Variants in DHX37 observed in about 807,000 individuals in gnomAD.
DHX37 encodes the protein DEAH-box helicase 37.
DHX37 carries 52 observed loss-of-function variants against 134.3 expected under a neutral mutation model. The observed-to-expected ratio is 0.39, with a 90% CI of 0.31 to 0.49. DHX37 has a LOEUF of 0.49. Ranked by LOEUF, DHX37 falls within the 20% of genes least tolerant of loss-of-function variation. DHX37 has a pLI of 0.93. For missense variants in DHX37, 1,344 were observed against 1,580.8 expected, an observed-to-expected ratio of 0.85 and a Z score of 2.54; for synonymous variants, 634 against 670.7, an observed-to-expected ratio of 0.95 and a Z score of 0.85.
At position 124,977,435 on chromosome 12, in the gene DHX37, A is replaced by G. The variant is rs750316270; in HGVS notation, c.794T>C (p.Val265Ala). The G allele has an allele frequency of 1.9e-6, 3 of 1,612,022 alleles. No individual in the cohort carries two copies. In the Admixed American group the frequency reaches 5.0e-5, roughly 27 times the overall value. ...LSEEQVIMEA[V>A]AEHPIVIVCG... ...CACGATGACGATGGGGTGCTCGGCC[A>G]CAGCCTCCATGATTACTTGTTCTTC... The change falls in exon 5 of 27, where the codon GTG becomes GCG. Residue 265 changes from valine to alanine, a missense_variant. Around this residue, in one of 7 missense-constraint regions of DHX37, gnomAD observed 77 missense variants for 121.6 expected, o/e 0.63. Transcript: ENST00000308736.
intron 6 of DHX37, among the ~76,000 whole-genome samples, chr12:124,973,734 C>G (rs1264734029): frequency 6.7e-6 from 1 of 149,778 alleles, no homozygotes; most frequent in Non-Finnish European, 1.5e-5. Context: ...CTCCGCCTCT[C>G]GGGTTCAAGG....
chr12:124,966,705 A>T, intron 12 of DHX37, 88 bp downstream of exon 12: 2 of 1,357,518 alleles, frequency 1.5e-6, no homozygotes, highest in Non-Finnish European at 2.1e-6. Context: ...AATTACACTT[A>T]AACCTAAGCA....
intron 20 of DHX37, 67 bp downstream of exon 20, chr12:124,953,813 T>C (rs1306090276): frequency 7.6e-6 from 12 of 1,577,710 alleles, no homozygotes. Context: ...ATCACTTTTT[T>C]AAACATTTCA....
chr12:124,975,137 C>T (rs942593198), intron 6 of DHX37, among the ~76,000 whole-genome samples: 10 of 152,166 alleles, frequency 6.6e-5, no homozygotes, highest in Admixed American at 2.0e-4. Context: ...GTACTAGCTC[C>T]GTGACTGCCT....
chr12:124,956,724 A>G lies in DHX37; in HGVS notation c.2420T>C (p.Met807Thr), dbSNP rs1954103388. 3.1e-6 allele frequency: 5 copies of G among 1,592,952 alleles called. No individual in the cohort carries two copies. Among genetic ancestry groups the G allele is most frequent in the Non-Finnish European group, 4.3e-6 (5 of 1,164,482 alleles). Residue 807 changes from methionine (M) to threonine (T), a missense_variant, in exon 18 of 27, where the codon ATG becomes ACG. Around this residue, in one of 7 missense-constraint regions of DHX37, gnomAD observed 558 missense variants for 650.0 expected, o/e 0.86. Coordinates refer to ENST00000308736, the MANE Select transcript of DHX37 (RefSeq NM_032656.4). Reference protein sequence around the residue: ...LPYAITIVASMTVRELFEELD... With the variant: ...LPYAITIVASTTVRELFEELD... The stretch of plus-strand genomic sequence containing the variant: ...CTCCTCAAACAGCTCCCGCACCGTC[A>G]TGCTGGCCACGATGGTGATGGCATA...
intron 18 of DHX37, among the ~76,000 whole-genome samples, chr12:124,955,625 A>C (rs1479775715): frequency 6.6e-6 from 1 of 152,232 alleles, no homozygotes; most frequent in Non-Finnish European, 1.5e-5. Flanking sequence ...CTGCTTTTGA[A>C]GTTCAGATGC....
chr12:124,954,055 TC>T lies in DHX37; in HGVS notation c.2578+31del, dbSNP rs750847950. On this transcript the variant is annotated intron_variant, in intron 19 of 26. Coordinates refer to ENST00000308736, the MANE Select transcript of DHX37 (RefSeq NM_032656.4). The stretch of plus-strand genomic sequence containing the variant: ...GACCCATCCCAGACCTGGGTGACCC[TC>T]CCGCCACCCTCCAACGGGCAGGGCA... 8 of 1,607,404 alleles carry T rather than the reference TC, an allele frequency of 5.0e-6. No individual in the cohort carries two copies. The Admixed American group carries it at 6.7e-5, about 13-fold the overall frequency.
At chr12:124,968,802 G>C (rs190163119) in intron 9 of DHX37, 65 bp downstream of exon 9, 1 of 1,603,994 alleles carries the variant, frequency 6.2e-7, no homozygotes, top group Non-Finnish European at 8.5e-7. Context: ...TCTCTCAGGG[G>C]GCTCCCGACA....
At chr12:124,985,204 A>G (rs1398715000) in intron 2 of DHX37, among the ~76,000 whole-genome samples, 1 of 152,136 alleles carries the variant, frequency 6.6e-6, no homozygotes, top group Non-Finnish European at 1.5e-5. Context: ...GGTCATTTGT[A>G]TGACATCCCC....
chr12:124,956,440 A>G (rs1954095790), intron 18 of DHX37, among the ~76,000 whole-genome samples: 1 of 152,234 alleles, frequency 6.6e-6, no homozygotes, highest in Non-Finnish European at 1.5e-5. Context: ...TGTTAAATAC[A>G]CAATGCACTA....
intron 20 of DHX37, 156 bp from the exon 21 acceptor site, chr12:124,952,726 C>G: frequency 1.5e-6 from 1 of 676,368 alleles, no homozygotes; most frequent in Non-Finnish European, 2.1e-6. Flanking sequence ...ACCCAAAGCC[C>G]CCAGCAGGCA....
At chr12:124,984,681 T>C (rs1954829567) in intron 2 of DHX37, among the ~76,000 whole-genome samples, 1 of 152,028 alleles carries the variant, frequency 6.6e-6, no homozygotes, top group Admixed American at 6.6e-5. Context: ...ACTTGCTAGA[T>C]GTTTGATATT....
At chr12:124,969,362 C>T (rs1314829807) in intron 8 of DHX37, among the ~76,000 whole-genome samples, 2 of 152,122 alleles carry the variant, frequency 1.3e-5, no homozygotes, top group Non-Finnish European at 2.9e-5. Flanking sequence ...GTCCCCAGGC[C>T]GCTCAGCAAT....
At chr12:124,953,555 T>G in intron 20 of DHX37, 1 of 352,942 alleles carries the variant, frequency 2.8e-6, no homozygotes, top group Non-Finnish European at 5.4e-6. Context: ...GAGAAGGGTC[T>G]GGGGGACATG....
intron 15 of DHX37, 99 bp downstream of exon 15, chr12:124,964,295 T>A: frequency 6.5e-7 from 1 of 1,549,282 alleles, no homozygotes; most frequent in African/African-American, 1.4e-5. Flanking sequence ...ACACGGAACA[T>A]ACTACAGATG....
At chr12:124,957,264 A>G (rs11830082) in intron 16 of DHX37, 129 bp from the exon 17 acceptor site, 52,340 of 803,930 alleles carry the variant, frequency 0.065, 6,995 homozygotes, top group African/African-American at 0.47. Flanking sequence ...GTGGGGACAC[A>G]GGGGCCTGGG....
At chr12:124,975,705 A>C (rs1228456635) in intron 5 of DHX37, among the ~76,000 whole-genome samples, 194 bp from the exon 6 acceptor site, 1 of 152,190 alleles carries the variant, frequency 6.6e-6, no homozygotes, top group African/African-American at 2.4e-5. Context: ...AAACGGTTCG[A>C]CATTCACCAT....
chr12:124,974,079 G>A (rs1457521329), intron 6 of DHX37, among the ~76,000 whole-genome samples: 3 of 151,498 alleles, frequency 2.0e-5, no homozygotes, highest in African/African-American at 4.8e-5. Flanking sequence ...TCAGCCTCCC[G>A]AGTAGCTGGC....
intron 1 of DHX37, among the ~76,000 whole-genome samples, 163 bp from the exon 2 acceptor site, chr12:124,986,428 A>G (rs571230526): frequency 6.6e-6 from 1 of 152,150 alleles, no homozygotes; most frequent in East Asian, 1.9e-4. Flanking sequence ...GATGTTCTCA[A>G]GGCTTGGCGC....
Sources: allele counts gnomAD v4.1 joint callset (sites outside exome capture counted in the v4.1 genomes callset), GRCh38; gene constraint gnomAD v4.1.1; regional missense constraint gnomAD v4.1.1; transcripts MANE v1.5; gene names NCBI Gene and HGNC (gene_info 2026-07-23, HGNC 2026-07-21).